FRMD1: variants seen among roughly 807,000 people sequenced by gnomAD.
FRMD1 encodes FERM domain containing 1, also known as FERM domain-containing protein 1.
FRMD1 carries 51 observed loss-of-function variants against 54.9 expected under a neutral mutation model. That is an observed-to-expected ratio of 0.93 (90% CI 0.74 to 1.17). The LOEUF is 1.17. Among genes scored for constraint, FRMD1 ranks in the 50% most tolerant of loss-of-function variants. FRMD1 has a pLI of 0.00. For synonymous variants in FRMD1, 324 were observed against 306.4 expected, an observed-to-expected ratio of 1.06 and a Z score of -0.60; for missense variants, 729 against 743.0, an observed-to-expected ratio of 0.98 and a Z score of 0.22.
upstream of FRMD1, among the ~76,000 whole-genome samples, chr6:168,083,632 G>A (rs1800874078): frequency 6.6e-6 from 1 of 152,248 alleles, no homozygotes; most frequent in Admixed American, 6.5e-5. Flanking sequence ...GCACAGAGCA[G>A]ACTTGAAAGG....
At chr6:168,072,154 C>A (rs148971446) in intron 2 of FRMD1, among the ~76,000 whole-genome samples, 1 of 152,332 alleles carries the variant, frequency 6.6e-6, no homozygotes, top group African/African-American at 2.4e-5. Context: ...CCTTGGCCAC[C>A]GGGAACCTGC....
chr6:168,058,709 G>C (rs1047953695), intron 10 of FRMD1, among the ~76,000 whole-genome samples: 1 of 152,186 alleles, frequency 6.6e-6, no homozygotes, highest in Non-Finnish European at 1.5e-5. Flanking sequence ...AGGAAGTGGG[G>C]GAAGCCTGGA....
In FRMD1 at chr6:168,063,758, T is replaced by G; in HGVS notation, c.649-2A>C. On this transcript the variant is annotated splice_acceptor_variant, in intron 5 of 10. Transcript: ENST00000283309. LOFTEE classifies it high-confidence loss of function. The stretch of plus-strand genomic sequence containing the variant: ...GTCAATCCCCCTCTTGGTGATGATC[T>G]GAGGACAGAGCCGGGAGGTCAGCTC... The G allele has an allele frequency of 6.2e-7, 1 of 1,610,032 alleles. No homozygotes were observed. Among genetic ancestry groups the G allele is most frequent in the Non-Finnish European group, 8.5e-7 (1 of 1,177,936 alleles).
rs746958800 is a variant in FRMD1, at chr6:168,061,065, GA to G, written c.1046-9del. 3.1e-6 allele frequency: 5 copies of G among 1,603,716 alleles called. No individual in the cohort carries two copies. The East Asian group carries it at 1.1e-4, about 36-fold the overall frequency. On this transcript the variant is annotated splice_polypyrimidine_tract_variant and intron_variant, in intron 8 of 10. Transcript: ENST00000283309. Reference sequence around the variant, plus strand: ...CCCGGTAGTGCTGCTTCTCTGTGGGGAGTGGGGAGCACAGTGAGGGCGAGCT... The same window carrying G: ...CCCGGTAGTGCTGCTTCTCTGTGGGGGTGGGGAGCACAGTGAGGGCGAGCT...
chr6:168,074,262 C>T (rs1337412776), intron 2 of FRMD1, among the ~76,000 whole-genome samples: 3 of 152,132 alleles, frequency 2.0e-5, no homozygotes, highest in African/African-American at 7.2e-5. Flanking sequence ...TACTAGAACT[C>T]CAGGTACGAA....
chr6:168,057,760 CCAGGTGGGCGGCCAGCG>C, intron 10 of FRMD1: 1 of 182,646 alleles, frequency 5.5e-6, no homozygotes, highest in South Asian at 1.1e-4. Context: ...AAGGTCCCGT[CCAGGTGGGCGGCCAGCG>C]GGCAGCGTCA....
chr6:168,058,780 AG>A, intron 10 of FRMD1, among the ~76,000 whole-genome samples: 1 of 152,172 alleles, frequency 6.6e-6, no homozygotes, highest in Non-Finnish European at 1.5e-5. Context: ...GGGACGGGGC[AG>A]CCAGTCTGCT....
intron 10 of FRMD1, 116 bp from the exon 11 acceptor site, chr6:168,057,455 C>A (rs113513109): frequency 2.4e-5 from 35 of 1,472,890 alleles, no homozygotes; most frequent in South Asian, 2.1e-4. Flanking sequence ...GCCCACCCTG[C>A]GCCGCAGTGC....
At chr6:168,062,221 G>A (rs1799784028) in intron 7 of FRMD1, among the ~76,000 whole-genome samples, 1 of 152,212 alleles carries the variant, frequency 6.6e-6, no homozygotes, top group Non-Finnish European at 1.5e-5. Context: ...GGGAGTGGAG[G>A]TCTGGGGTGG....
upstream of FRMD1, among the ~76,000 whole-genome samples, chr6:168,080,539 G>A (rs559988717): frequency 5.9e-5 from 9 of 152,312 alleles, no homozygotes; most frequent in Non-Finnish European, 1.0e-4. Context: ...TCCCTGTGCC[G>A]GGTGCCCTCA....
chr6:168,078,660 C>A (rs558173137), intron 1 of FRMD1, among the ~76,000 whole-genome samples: 62 of 137,864 alleles, frequency 4.5e-4, no homozygotes, highest in African/African-American at 1.6e-3. Flanking sequence ...CCACCCAGGG[C>A]CCTGCTCACC....
intron 1 of FRMD1, among the ~76,000 whole-genome samples, chr6:168,086,863 C>A (rs1583214200): frequency 6.6e-6 from 1 of 152,242 alleles, no homozygotes. Flanking sequence ...CTGGTTTGTG[C>A]CCTTGGGCAC....
chr6:168,087,534 C>T (rs1800941960), intron 1 of FRMD1, among the ~76,000 whole-genome samples: 1 of 152,224 alleles, frequency 6.6e-6, no homozygotes. Flanking sequence ...CGTGAGACGG[C>T]TCTGTGGGGA....
intron 1 of FRMD1, among the ~76,000 whole-genome samples, chr6:168,090,754 T>C (rs1801002453): frequency 6.6e-6 from 1 of 152,246 alleles, no homozygotes; most frequent in Admixed American, 6.5e-5. Flanking sequence ...CAATGTGTGC[T>C]GCGCTGAAGT....
rs1799347942 is a variant in FRMD1, at chr6:168,054,681, A to T, written c.*2416T>A. On this transcript the variant is annotated 3_prime_UTR_variant, in exon 11 of 11. Coordinates refer to ENST00000283309, the MANE Select transcript of FRMD1 (RefSeq NM_024919.6). Reference sequence around the variant, plus strand: ...AGACCTCTGATCTCAATCTGTGCAAAAAGAAAGGTTGGCTTCCCCGACTTC... The same window carrying T: ...AGACCTCTGATCTCAATCTGTGCAATAAGAAAGGTTGGCTTCCCCGACTTC... The T allele has an allele frequency of 6.6e-6, 1 of 152,182 alleles. No homozygotes were observed. The highest frequency in any genetic ancestry group is 2.4e-5 in the African/African-American group (1 of 41,402). 9.4% of individuals were successfully genotyped at this position (152,182 alleles called of 1,614,324 possible). A position where few individuals can be genotyped will look rare whatever the true frequency, so the allele number is the denominator to read the frequency against.
intron 4 of FRMD1, chr6:168,065,790 C>T: frequency 1.0e-6 from 1 of 998,016 alleles, no homozygotes; most frequent in Non-Finnish European, 1.2e-6. Context: ...CTAGAACCTT[C>T]CACACAACCG....
intron 1 of FRMD1, among the ~76,000 whole-genome samples, chr6:168,091,638 T>C (rs887767805): frequency 6.6e-6 from 1 of 152,154 alleles, no homozygotes; most frequent in African/African-American, 2.4e-5. Context: ...CCAGCATCTG[T>C]GTATCTAGCA....
At chr6:168,078,229 A>AG (rs1361116316) in intron 1 of FRMD1, among the ~76,000 whole-genome samples, 1 of 152,166 alleles carries the variant, frequency 6.6e-6, no homozygotes, top group Non-Finnish European at 1.5e-5. Flanking sequence ...AATGGGGGAA[A>AG]GGGAAAAGAA....
At chr6:168,081,466 A>G (rs552626758), upstream of FRMD1, 11 of 1,535,596 alleles carry the variant, frequency 7.2e-6, no homozygotes, top group South Asian at 1.1e-4. Context: ...ACCACCGCCC[A>G]GATCTCCTCA....
Sources: gnomAD v4.1 joint callset for allele counts (sites outside exome capture counted in the v4.1 genomes callset) on GRCh38, gnomAD v4.1.1 for gene constraint, MANE v1.5 for transcripts, NCBI Gene and HGNC (gene_info 2026-07-23, HGNC 2026-07-21) for gene names.